The following ARHGAP42 variants were observed in gnomAD, a reference collection of about 807,000 sequenced individuals.
ARHGAP42 encodes rho GTPase-activating protein 42.
ARHGAP42 carries 63 observed loss-of-function variants against 125.0 expected under a neutral mutation model. The observed-to-expected ratio is 0.50, with a 90% CI of 0.41 to 0.62. The LOEUF is 0.62. ARHGAP42 is among the 20% of genes least tolerant of loss of function. The pLI is 0.00. For missense variants in ARHGAP42, 766 were observed against 1,024.2 expected, an observed-to-expected ratio of 0.75 and a Z score of 3.44; for synonymous variants, 339 against 351.0, an observed-to-expected ratio of 0.97 and a Z score of 0.38.
At chr11:100,821,043 C>T (rs1864394238) in intron 3 of ARHGAP42, among the ~76,000 whole-genome samples, 1 of 151,708 alleles carries the variant, frequency 6.6e-6, no homozygotes, top group Non-Finnish European at 1.5e-5. Context: ...AGGTATCTGA[C>T]TTAGCCTTGG....
chr11:100,935,656 T>TCA (rs370952044), intron 7 of ARHGAP42, among the ~76,000 whole-genome samples: 37,374 of 140,162 alleles, frequency 0.27, 5,839 homozygotes, highest in East Asian at 0.73. Flanking sequence ...AGGAAGAAGG[T>TCA]CACACACACA....
chr11:100,736,725 G>C (rs1178324741), intron 1 of ARHGAP42, among the ~76,000 whole-genome samples: 2 of 152,058 alleles, frequency 1.3e-5, no homozygotes, highest in African/African-American at 4.8e-5. Flanking sequence ...ATCTTGACGT[G>C]TTACTGTTAT....
At chr11:100,743,805 GTCT>G (rs2120351312) in intron 1 of ARHGAP42, among the ~76,000 whole-genome samples, 1 of 152,208 alleles carries the variant, frequency 6.6e-6, no homozygotes, top group East Asian at 1.9e-4. Flanking sequence ...TAATTTGAAA[GTCT>G]TCTCTTCGAG....
chr11:100,751,030 C>T (rs1490730299), intron 1 of ARHGAP42, among the ~76,000 whole-genome samples: 7 of 151,348 alleles, frequency 4.6e-5, no homozygotes, highest in Non-Finnish European at 7.4e-5. Context: ...CTTCTACCTC[C>T]CAGTTTCAAG....
intron 1 of ARHGAP42, among the ~76,000 whole-genome samples, chr11:100,722,259 G>T (rs1484129860): frequency 6.6e-6 from 1 of 151,922 alleles, no homozygotes; most frequent in African/African-American, 2.4e-5. Context: ...TGAGTTGTCT[G>T]TTCAGATCTT....
intron 7 of ARHGAP42, 33 bp downstream of exon 7, chr11:100,933,293 C>G (rs1447438707): frequency 3.6e-6 from 5 of 1,395,960 alleles, no homozygotes; most frequent in Non-Finnish European, 4.9e-6. Context: ...TGTCTCTCAG[C>G]AAATCTGCAA....
intron 6 of ARHGAP42, among the ~76,000 whole-genome samples, chr11:100,931,393 C>T (rs1345671146): frequency 6.6e-6 from 1 of 152,176 alleles, no homozygotes; most frequent in Non-Finnish European, 1.5e-5. Flanking sequence ...GAATGGTTTA[C>T]TTCATGCTTC....
chr11:100,741,558 G>A (rs1435926975), intron 1 of ARHGAP42, among the ~76,000 whole-genome samples: 1 of 152,168 alleles, frequency 6.6e-6, no homozygotes, highest in Non-Finnish European at 1.5e-5. Context: ...GAAGAACCCT[G>A]AAGACCTAGC....
intron 7 of ARHGAP42, among the ~76,000 whole-genome samples, chr11:100,933,472 A>T (rs1277119834): frequency 6.6e-6 from 1 of 152,194 alleles, no homozygotes; most frequent in African/African-American, 2.4e-5. Flanking sequence ...GCCTTCATCC[A>T]GTGTTCTTGT....
At chr11:100,961,080 T>A in intron 14 of ARHGAP42, 91 bp downstream of exon 14, 1 of 756,978 alleles carries the variant, frequency 1.3e-6, no homozygotes, top group Non-Finnish European at 2.0e-6. Context: ...TGTCTTTGAA[T>A]ATTTTCAAAT....
At chr11:100,911,555 G>T (rs1225550885) in intron 4 of ARHGAP42, among the ~76,000 whole-genome samples, 1 of 152,114 alleles carries the variant, frequency 6.6e-6, no homozygotes, top group Non-Finnish European at 1.5e-5. Context: ...AAAGAAAAAA[G>T]GATCATGGAT....
At chr11:100,791,782 A>G (rs990669361) in intron 2 of ARHGAP42, among the ~76,000 whole-genome samples, 17 of 152,174 alleles carry the variant, frequency 1.1e-4, no homozygotes, top group South Asian at 6.2e-4. Flanking sequence ...AGAACCAGAC[A>G]TGCAATTGCT....
chr11:100,878,656 T>C (rs747223214), intron 4 of ARHGAP42, among the ~76,000 whole-genome samples: 2 of 152,180 alleles, frequency 1.3e-5, no homozygotes, highest in Non-Finnish European at 2.9e-5. Context: ...CCAGGGGACA[T>C]GCGGAGATTA....
chr11:100,933,906 G>A (rs914017774), intron 7 of ARHGAP42, among the ~76,000 whole-genome samples: 3 of 152,050 alleles, frequency 2.0e-5, no homozygotes, highest in Non-Finnish European at 2.9e-5. Flanking sequence ...TCCTGCCTCA[G>A]CTTCCCAAAT....
chr11:100,731,588 G>T (rs1861959646), intron 1 of ARHGAP42, among the ~76,000 whole-genome samples: 1 of 152,192 alleles, frequency 6.6e-6, no homozygotes, highest in South Asian at 2.1e-4. Context: ...TGGGAATTGG[G>T]TTCTTTAAAT....
At position 100,778,848 on chromosome 11, in the gene ARHGAP42, C is replaced by T. The variant is rs188177110; in HGVS notation, c.250+8410C>T. Among the ~76,000 whole-genome samples, 457 of 152,244 alleles carry T rather than the reference C, an allele frequency of 3.0e-3. 1 individual carries two copies. The highest frequency in any genetic ancestry group is 4.1e-3 in the Non-Finnish European group (276 of 68,020). On this transcript the variant is annotated intron_variant, in intron 2 of 23. Coordinates refer to ENST00000298815, the MANE Select transcript of ARHGAP42 (RefSeq NM_152432.4). Reference sequence around the variant, plus strand: ...GCCTGGAAAGAAATTTATTTTTTAACTGATGGATAGACATTAATCCCCTAA... The same window carrying T: ...GCCTGGAAAGAAATTTATTTTTTAATTGATGGATAGACATTAATCCCCTAA...
At chr11:100,903,785 A>C (rs2135215879) in intron 4 of ARHGAP42, among the ~76,000 whole-genome samples, 1 of 136,130 alleles carries the variant, frequency 7.3e-6, no homozygotes. Context: ...TTAAGTTTTA[A>C]CTTACACGAT....
chr11:100,978,369 T>C (rs1274176330), intron 21 of ARHGAP42, among the ~76,000 whole-genome samples: 2 of 152,188 alleles, frequency 1.3e-5, no homozygotes, highest in Non-Finnish European at 2.9e-5. Context: ...TTCCAGTAAA[T>C]ATAGAAACTC....
chr11:100,820,816 G>T (rs929744760), intron 3 of ARHGAP42, among the ~76,000 whole-genome samples: 2 of 151,958 alleles, frequency 1.3e-5, no homozygotes, highest in African/African-American at 4.8e-5. Flanking sequence ...AAATATGAAT[G>T]CAGCTGTTCA....
Sources: gnomAD v4.1 joint callset for allele counts (sites outside exome capture counted in the v4.1 genomes callset) on GRCh38, gnomAD v4.1.1 for gene constraint, MANE v1.5 for transcripts, NCBI Gene and HGNC (gene_info 2026-07-23, HGNC 2026-07-21) for gene names.